The following IGFL2 variants were observed in gnomAD, a reference collection of about 807,000 sequenced individuals.
IGFL2 encodes IGF like family member 2, also known as insulin growth factor-like family member 2.
Under a neutral mutation model 13.9 loss-of-function variants are expected in IGFL2, and 7 were observed. The observed-to-expected ratio is 0.51, with a 90% confidence interval of 0.29 to 0.95. IGFL2 has a LOEUF of 0.95. IGFL2 is among the 40% of genes least tolerant of loss of function. IGFL2 has a pLI of 0.08. For missense variants in IGFL2, 138 were observed against 147.8 expected, an observed-to-expected ratio of 0.93 and a Z score of 0.34; for synonymous variants, 55 against 55.8, an observed-to-expected ratio of 0.99 and a Z score of 0.07.
At chr19:46,142,551 GATGTA>G (rs1237739163), upstream of IGFL2, among the ~76,000 whole-genome samples, 2 of 152,146 alleles carry the variant, frequency 1.3e-5, no homozygotes, top group Non-Finnish European at 2.9e-5. Flanking sequence ...AATGCACTGT[GATGTA>G]ATATAAATAT....
At chr19:46,085,321 G>A in the IGFL2 span, among the ~76,000 whole-genome samples, 27 of 152,356 alleles carry the variant, frequency 1.8e-4, no homozygotes, top group East Asian at 5.2e-3. Context: ...AGACTGTAGT[G>A]TTGGGTGCAT....
the IGFL2 span, among the ~76,000 whole-genome samples, chr19:46,088,821 G>A: frequency 3.9e-5 from 6 of 152,174 alleles, no homozygotes; most frequent in Non-Finnish European, 1.5e-5. Flanking sequence ...ATAGCCTACT[G>A]TTGTATGTTG....
Position 46,152,484 on chromosome 19 carries a change from A to G in IGFL2, c.19+4187A>G, listed in dbSNP as rs548871925. Reference sequence around the variant, plus strand: ...ATTTTTATACAGATGGGGTCTCGCTATGTTGACCAAGCTGGTTTCAAACTT... The same window carrying G: ...ATTTTTATACAGATGGGGTCTCGCTGTGTTGACCAAGCTGGTTTCAAACTT... On this transcript the variant is annotated intron_variant, in intron 1 of 3. Coordinates refer to ENST00000377693, the MANE Select transcript of IGFL2 (RefSeq NM_001135113.2). Among the ~76,000 whole-genome samples the G allele has an allele frequency of 2.6e-4, 40 of 152,062 alleles. No homozygotes were observed. In the South Asian group the frequency reaches 8.3e-3, roughly 32 times the overall value.
the IGFL2 span, among the ~76,000 whole-genome samples, chr19:46,198,672 T>C: frequency 6.6e-6 from 1 of 152,196 alleles, no homozygotes; most frequent in East Asian, 1.9e-4. Flanking sequence ...CACCATCCAG[T>C]CTTTGGTCAC....
At chr19:46,089,008 A>G in the IGFL2 span, among the ~76,000 whole-genome samples, 1 of 152,140 alleles carries the variant, frequency 6.6e-6, no homozygotes, top group East Asian at 1.9e-4. Flanking sequence ...ATAGGTAAGG[A>G]CTTTCTACTG....
At chr19:46,107,122 C>T in the IGFL2 span, among the ~76,000 whole-genome samples, 7 of 152,142 alleles carry the variant, frequency 4.6e-5, no homozygotes, top group South Asian at 2.1e-4. Flanking sequence ...TAAGGGGTCT[C>T]GCAGCCTGGC....
chr19:46,178,103 C>A, the IGFL2 span, among the ~76,000 whole-genome samples: 2 of 151,964 alleles, frequency 1.3e-5, no homozygotes, highest in Non-Finnish European at 2.9e-5. Flanking sequence ...ATGATGAAAC[C>A]CTGTCTCTAC....
At chr19:46,210,751 T>A in the IGFL2 span, among the ~76,000 whole-genome samples, 1 of 152,198 alleles carries the variant, frequency 6.6e-6, no homozygotes, top group Admixed American at 6.5e-5. Context: ...CCCAGCCCAC[T>A]AATGCAAAAG....
At chr19:46,192,527 C>T in the IGFL2 span, among the ~76,000 whole-genome samples, 2 of 151,382 alleles carry the variant, frequency 1.3e-5, no homozygotes, top group Non-Finnish European at 2.9e-5. Flanking sequence ...TCAAGCAATT[C>T]TCCTGCCTCA....
chr19:46,166,008 G>A (rs368379676), downstream of IGFL2, among the ~76,000 whole-genome samples: 2 of 152,292 alleles, frequency 1.3e-5, no homozygotes, highest in South Asian at 2.1e-4. Flanking sequence ...GCATGTGGAT[G>A]CCTGCACAGC....
At chr19:46,110,870 A>C in the IGFL2 span, among the ~76,000 whole-genome samples, 1 of 152,338 alleles carries the variant, frequency 6.6e-6, no homozygotes, top group East Asian at 1.9e-4. Flanking sequence ...AAGTTATTTT[A>C]CTTATACAAT....
At chr19:46,176,600 G>A in the IGFL2 span, among the ~76,000 whole-genome samples, 1 of 152,136 alleles carries the variant, frequency 6.6e-6, no homozygotes, top group Non-Finnish European at 1.5e-5. Context: ...AAGCCCACAG[G>A]CATCTGAACC....
At chr19:46,124,706 G>A in the IGFL2 span, 1 of 1,463,412 alleles carries the variant, frequency 6.8e-7, no homozygotes, top group Admixed American at 1.7e-5. Flanking sequence ...TGGAACTTAT[G>A]GAGACAGCCT....
At chr19:46,204,326 G>GC in the IGFL2 span, 2 of 152,492 alleles carry the variant, frequency 1.3e-5, no homozygotes, top group South Asian at 2.1e-4. Context: ...GGGACTGGGG[G>GC]GGGTTGCTGG....
the IGFL2 span, among the ~76,000 whole-genome samples, chr19:46,167,201 C>T: frequency 1.5e-4 from 23 of 152,318 alleles, no homozygotes; most frequent in Admixed American, 1.0e-3. Flanking sequence ...TGGCTTCAGC[C>T]GTTCCCTCCG....
the IGFL2 span, among the ~76,000 whole-genome samples, chr19:46,206,376 A>G: frequency 6.6e-6 from 1 of 152,172 alleles, no homozygotes; most frequent in South Asian, 2.1e-4. Flanking sequence ...TCCAGGCCTA[A>G]ATTCAACCCT....
the IGFL2 span, among the ~76,000 whole-genome samples, chr19:46,201,182 T>A: frequency 6.6e-6 from 1 of 152,106 alleles, no homozygotes; most frequent in Non-Finnish European, 1.5e-5. Flanking sequence ...ATTACCCAGC[T>A]CCAGACTCAA....
the IGFL2 span, among the ~76,000 whole-genome samples, chr19:46,117,162 C>G: frequency 1.4e-4 from 22 of 151,764 alleles, no homozygotes; most frequent in African/African-American, 5.3e-4. Flanking sequence ...TTGAGCTAAG[C>G]CTATTCAGTA....
chr19:46,204,603 G>A, the IGFL2 span, among the ~76,000 whole-genome samples: 1 of 152,150 alleles, frequency 6.6e-6, no homozygotes, highest in Admixed American at 6.5e-5. Context: ...CCTAAACAGT[G>A]ACAACACAGA....
Sources: allele counts gnomAD v4.1 joint callset (sites outside exome capture counted in the v4.1 genomes callset), GRCh38; gene constraint gnomAD v4.1.1; transcripts MANE v1.5; gene names NCBI Gene and HGNC (gene_info 2026-07-23, HGNC 2026-07-21).